DLGAP4: variants seen among roughly 807,000 people sequenced by gnomAD.
The protein encoded by DLGAP4 is DLG associated protein 4, also known as disks large-associated protein 4.
Under a neutral mutation model 86.9 loss-of-function variants are expected in DLGAP4, and 18 were observed. That is an observed-to-expected ratio of 0.21 (90% CI 0.14 to 0.31). The LOEUF (loss-of-function observed/expected upper bound fraction) is 0.31, where lower values mean the gene tolerates loss of function less well. DLGAP4 is among the 10% of genes least tolerant of loss of function. DLGAP4 has a pLI of 1.00. For synonymous variants in DLGAP4, 548 were observed against 574.3 expected, an observed-to-expected ratio of 0.95 and a Z score of 0.65; for missense variants, 1,085 against 1,362.6, an observed-to-expected ratio of 0.80 and a Z score of 3.21.
intron 4 of DLGAP4, among the ~76,000 whole-genome samples, chr20:36,438,829 C>T (rs1172855814): frequency 1.3e-5 from 2 of 151,390 alleles, no homozygotes; most frequent in Non-Finnish European, 2.9e-5. Context: ...CTGCCTCAGC[C>T]TCCCGAGTAG....
chr20:36,521,144 G>A (rs375964624), intron 10 of DLGAP4, among the ~76,000 whole-genome samples: 3 of 152,012 alleles, frequency 2.0e-5, no homozygotes, highest in Non-Finnish European at 4.4e-5. Context: ...TAGTAGAGAC[G>A]GAGTTTTGCC....
intron 7 of DLGAP4, chr20:36,461,751 G>GGGCCCCCCCCCCCC: frequency 2.6e-5 from 16 of 618,702 alleles, no homozygotes; most frequent in African/African-American, 6.1e-5. Flanking sequence ...CCGTCCGTCC[G>GGGCCCCCCCCCCCC]CCCGCCCGCC....
At chr20:36,320,231 C>G (rs1240253700) in intron 1 of DLGAP4, among the ~76,000 whole-genome samples, 1 of 149,370 alleles carries the variant, frequency 6.7e-6, no homozygotes, top group East Asian at 2.0e-4. Flanking sequence ...TCCAGGCCCC[C>G]CTCTGTGTCT....
At chr20:36,356,546 A>C (rs782673489) in intron 1 of DLGAP4, among the ~76,000 whole-genome samples, 9 of 151,960 alleles carry the variant, frequency 5.9e-5, no homozygotes, top group Non-Finnish European at 1.3e-4. Context: ...TCCTGACCTC[A>C]AGTGATCCAC....
intron 7 of DLGAP4, among the ~76,000 whole-genome samples, chr20:36,484,247 G>A (rs1298727198): frequency 1.3e-5 from 2 of 152,248 alleles, no homozygotes; most frequent in African/African-American, 4.8e-5. Context: ...TTCATGTCCA[G>A]CCCTCTGTCA....
At chr20:36,409,444 CAT>C (rs1403977620) in intron 2 of DLGAP4, among the ~76,000 whole-genome samples, 1 of 126,216 alleles carries the variant, frequency 7.9e-6, no homozygotes, top group African/African-American at 3.1e-5. Flanking sequence ...TCTAAAGAAA[CAT>C]AGGCTGTGTG....
intron 1 of DLGAP4, among the ~76,000 whole-genome samples, chr20:36,338,868 G>A (rs1260053567): frequency 6.6e-6 from 1 of 152,194 alleles, no homozygotes; most frequent in Non-Finnish European, 1.5e-5. Context: ...AGGGAGAGAA[G>A]GGCATTCTGG....
At chr20:36,510,697 C>T (rs1302956071) in intron 10 of DLGAP4, among the ~76,000 whole-genome samples, 1 of 152,100 alleles carries the variant, frequency 6.6e-6, no homozygotes, top group Non-Finnish European at 1.5e-5. Flanking sequence ...AGGTGTGAGC[C>T]ACTGCGCCCA....
chr20:36,498,878 C>T (rs891077429), intron 8 of DLGAP4: 3 of 226,106 alleles, frequency 1.3e-5, no homozygotes, highest in South Asian at 7.1e-5. Context: ...TCCTGTTCCA[C>T]TTCACAGGAG....
At chr20:36,395,585 G>A (rs1425446683) in intron 2 of DLGAP4, among the ~76,000 whole-genome samples, 9 of 152,038 alleles carry the variant, frequency 5.9e-5, no homozygotes, top group Non-Finnish European at 1.3e-4. Flanking sequence ...TGCAACCTCC[G>A]CCTCCCAGGT....
At chr20:36,526,066 C>T (rs2037737178) in intron 12 of DLGAP4, 60 bp downstream of exon 12, 1 of 1,610,892 alleles carries the variant, frequency 6.2e-7, no homozygotes, top group Non-Finnish European at 8.5e-7. Context: ...GGCAATAACG[C>T]TGCCCACATC....
chr20:36,511,868 C>G (rs1242306981), intron 10 of DLGAP4, among the ~76,000 whole-genome samples: 1 of 138,114 alleles, frequency 7.2e-6, no homozygotes. Flanking sequence ...GAGGGAGACC[C>G]TGTCTCAAAA....
intron 1 of DLGAP4, among the ~76,000 whole-genome samples, chr20:36,323,688 C>A (rs1264145674): frequency 1.3e-5 from 2 of 152,204 alleles, no homozygotes; most frequent in Non-Finnish European, 2.9e-5. Flanking sequence ...GGATCCCCAA[C>A]CTTTTTGGCA....
intron 1 of DLGAP4, among the ~76,000 whole-genome samples, chr20:36,359,960 C>T (rs1165532026): frequency 6.6e-6 from 1 of 152,128 alleles, no homozygotes; most frequent in African/African-American, 2.4e-5. Context: ...GGAGGAAGGG[C>T]CAGCCCGCTG....
chr20:36,522,083 G>T (rs1784329000), intron 10 of DLGAP4, among the ~76,000 whole-genome samples: 1 of 152,084 alleles, frequency 6.6e-6, no homozygotes, highest in South Asian at 2.1e-4. Flanking sequence ...CACAGTGCAG[G>T]ACCTCCCCAC....
chr20:36,466,947 TCTCTCTCTCTCTCTCTCTGTCTCTCTC>T (rs2034390244), intron 7 of DLGAP4, among the ~76,000 whole-genome samples: 1 of 130,782 alleles, frequency 7.6e-6, no homozygotes, highest in Admixed American at 7.2e-5. Context: ...TCTCTCTCTG[TCTCTCTCTCTCTCTCTCTGTCTCTCTC>T]CTCTCTCTCT....
chr20:36,442,837 C>T, intron 6 of DLGAP4, 60 bp downstream of exon 6: 1 of 1,609,510 alleles, frequency 6.2e-7, no homozygotes, highest in Non-Finnish European at 8.5e-7. Flanking sequence ...GGGCCTTAGG[C>T]CTGCCCTCTG....
At chr20:36,372,282 C>T (rs542647863) in intron 2 of DLGAP4, among the ~76,000 whole-genome samples, 299 of 152,250 alleles carry the variant, frequency 2.0e-3, no homozygotes, top group Non-Finnish European at 2.2e-3. Flanking sequence ...TGCCAGGGCT[C>T]CCCAGGCTTA....
intron 1 of DLGAP4, among the ~76,000 whole-genome samples, chr20:36,340,512 C>T (rs1747622978): frequency 1.3e-5 from 2 of 152,170 alleles, no homozygotes; most frequent in African/African-American, 4.8e-5. Context: ...GCCAGTCTGT[C>T]CCCAGTGCCC....
Sources: allele counts gnomAD v4.1 joint callset (sites outside exome capture counted in the v4.1 genomes callset), GRCh38; gene constraint gnomAD v4.1.1; transcripts MANE v1.5; gene names NCBI Gene and HGNC (gene_info 2026-07-23, HGNC 2026-07-21).